The following CROCC2 variants were observed in gnomAD, a reference collection of about 807,000 sequenced individuals.
CROCC2 encodes ciliary rootlet coiled-coil protein 2.
A neutral mutation model predicts 177.6 loss-of-function variants in CROCC2; 163 were observed. The observed-to-expected ratio is 0.92, with a 90% confidence interval of 0.81 to 1.05. The LOEUF (loss-of-function observed/expected upper bound fraction) is 1.05. Among genes scored for constraint, CROCC2 ranks in the 50% least tolerant of loss-of-function variants. The pLI is 0.00. For synonymous variants in CROCC2, 904 were observed against 787.3 expected (o/e 1.15, Z -2.48); for missense variants, 1,929 against 1,797.8 (o/e 1.07, Z -1.32).
At chr2:240,914,288 C>A (rs2059304909) in intron 1 of CROCC2, among the ~76,000 whole-genome samples, 1 of 152,222 alleles carries the variant, frequency 6.6e-6, no homozygotes, top group African/African-American at 2.4e-5. Flanking sequence ...AGGTGCCAAG[C>A]CTCACCCTCC....
chr2:240,933,923 T>C, intron 11 of CROCC2, 71 bp downstream of exon 11: 1 of 1,473,466 alleles, frequency 6.8e-7, no homozygotes, highest in Non-Finnish European at 9.1e-7. Flanking sequence ...CATCAGCCAC[T>C]TGGCCTTGGG....
intron 18 of CROCC2, 116 bp downstream of exon 18, chr2:240,950,626 CCCATCCATCCAT>C: frequency 9.9e-7 from 1 of 1,009,274 alleles, no homozygotes. Context: ...CGCCTACCCA[CCCATCCATCCAT>C]CCATCCATCC....
intron 28 of CROCC2, 112 bp from the exon 29 acceptor site, chr2:240,988,622 GCTCTT>G: frequency 9.0e-7 from 1 of 1,110,534 alleles, no homozygotes; most frequent in Non-Finnish European, 1.2e-6. Context: ...GACGCTGCCA[GCTCTT>G]AGGGGAATTC....
intron 18 of CROCC2, 59 bp from the exon 19 acceptor site, chr2:240,955,800 G>GA (rs1410890260): frequency 9.1e-6 from 11 of 1,208,350 alleles, no homozygotes; most frequent in Non-Finnish European, 1.2e-5. Flanking sequence ...TTAGAGGGGG[G>GA]CCTCTTCCCT....
chr2:240,988,846 C>T lies in CROCC2; in HGVS notation c.4659C>T (p.Ala1553=), dbSNP rs533247113. The T allele has an allele frequency of 1.1e-4, 161 of 1,495,700 alleles. 2 individuals carry two copies. In the South Asian group the frequency reaches 2.0e-3, roughly 19 times the overall value. 92.7% of individuals were successfully genotyped at this position (1,495,700 alleles called of 1,614,324 possible). A position where few individuals can be genotyped will look rare whatever the true frequency, so the allele number is the denominator to read the frequency against. Residue 1553 remains alanine (A), a synonymous_variant, in exon 29 of 32, where the codon GCC becomes GCT. Transcript: ENST00000690015. ...LNSLHQEVDG[A]LRQNQQLQAQ... ...GCCTGCACCAGGAGGTGGACGGAGC[C>T]CTGAGGCAAAATCAGCAGCTGCAGG... is the stretch of plus-strand genomic sequence containing the variant.
At chr2:240,940,858 AAG>A (rs2106465549) in intron 14 of CROCC2, among the ~76,000 whole-genome samples, 1 of 152,296 alleles carries the variant, frequency 6.6e-6, no homozygotes, top group East Asian at 1.9e-4. Context: ...GCAATCAGAC[AAG>A]AGAAAGAAAT....
rs1276502626 is a variant in CROCC2, at chr2:240,906,381, G to A, written c.-133G>A. The A allele has an allele frequency of 4.0e-5, 16 of 397,550 alleles. No homozygotes were observed. Among genetic ancestry groups the A allele is most frequent in the African/African-American group, 1.4e-4 (7 of 48,614 alleles). 24.6% of individuals were successfully genotyped at this position (397,550 alleles called of 1,614,324 possible). On this transcript the variant is annotated 5_prime_UTR_variant, in exon 1 of 32. Transcript: ENST00000690015. ...CAAGAGCAACTGGGTGCCCAGGCTC[G>A]GGACACAAGACTGCAGAGCCAGGTG...
Position 240,964,553 on chromosome 2 carries a change from G to A in CROCC2, c.3393G>A (p.Leu1131=). 1 of 1,549,538 alleles carries A rather than the reference G, an allele frequency of 6.5e-7. No individual in the cohort carries two copies. Among genetic ancestry groups the A allele is most frequent in the Admixed American group, 2.0e-5 (1 of 50,992 alleles). ...QAALQQEASA[L]RAHLWELEQA... ...CGTTGCAGCAGGAGGCCAGTGCACTGCGGGCCCACCTGTGGGAGCTGGAGC... is the reference window on the plus strand; with the variant it reads ...CGTTGCAGCAGGAGGCCAGTGCACTACGGGCCCACCTGTGGGAGCTGGAGC... The change falls in exon 22 of 32, where the codon CTG becomes CTA. Residue 1131 remains leucine (L), a synonymous_variant. Coordinates refer to ENST00000690015, the MANE Select transcript of CROCC2 (RefSeq NM_001351305.2).
In CROCC2 at chr2:240,991,238, C is replaced by A; in HGVS notation, c.4906C>A (p.Arg1636=). Residue 1636 remains arginine, a synonymous_variant, in exon 31 of 32, where the codon CGG becomes AGG. Transcript: ENST00000690015. ...GCAACTGGACCAGGAAGTGCAGTGG[C>A]GGCAACAGGCCCACCTCGGCCAGGC... ...KEQLDQEVQW[R]QQAHLGQAFQ... is the part of the protein sequence containing the mutation. The A allele has an allele frequency of 6.5e-7, 1 of 1,547,292 alleles. No homozygotes were observed. Among genetic ancestry groups the A allele is most frequent in the Non-Finnish European group, 8.7e-7 (1 of 1,145,350 alleles).
At chr2:240,951,189 G>A (rs1045902491) in intron 18 of CROCC2, among the ~76,000 whole-genome samples, 1 of 148,180 alleles carries the variant, frequency 6.7e-6, no homozygotes, top group Non-Finnish European at 1.5e-5. Context: ...CCATCCATCT[G>A]TCCATCCATT....
At chr2:240,948,915 T>C (rs2106469223) in intron 15 of CROCC2, 64 bp from the exon 16 acceptor site, 2 of 1,464,844 alleles carry the variant, frequency 1.4e-6, no homozygotes, top group Non-Finnish European at 1.9e-6. Flanking sequence ...TGTAAAGCTA[T>C]AGAGAGCATT....
intron 28 of CROCC2, among the ~76,000 whole-genome samples, chr2:240,986,272 T>C (rs1180786060): frequency 1.3e-5 from 2 of 152,166 alleles, no homozygotes; most frequent in Non-Finnish European, 2.9e-5. Context: ...CCGCGGAAGC[T>C]GTGCCCACCT....
intron 6 of CROCC2, 125 bp downstream of exon 6, chr2:240,930,394 G>A (rs1351650417): frequency 4.7e-6 from 2 of 426,962 alleles, no homozygotes; most frequent in Admixed American, 4.1e-5. Flanking sequence ...TGGCCTGCCG[G>A]CTTCTCACCC....
At chr2:240,926,997 G>T (rs1027027349) in intron 5 of CROCC2, among the ~76,000 whole-genome samples, 1 of 152,260 alleles carries the variant, frequency 6.6e-6, no homozygotes, top group African/African-American at 2.4e-5. Context: ...AATGCCAGAA[G>T]GAGAGGGTCC....
Position 240,988,849 on chromosome 2 carries a change from GA to G in CROCC2, c.4663del (p.Arg1555GlyfsTer10). On this transcript the variant is annotated frameshift_variant, in exon 29 of 32. Coordinates refer to ENST00000690015, the MANE Select transcript of CROCC2 (RefSeq NM_001351305.2). LOFTEE classifies it high-confidence loss of function. Reference protein sequence around the residue: ...SLHQEVDGALRQNQQLQAQMT... With the variant: ...SLHQEVDGALXQNQQLQAQMT... Reference sequence around the variant, plus strand: ...TGCACCAGGAGGTGGACGGAGCCCTGAGGCAAAATCAGCAGCTGCAGGTCAA... The same window carrying G: ...TGCACCAGGAGGTGGACGGAGCCCTGGGCAAAATCAGCAGCTGCAGGTCAA... 1 of 1,495,996 alleles carries G rather than the reference GA, an allele frequency of 6.7e-7. No individual in the cohort carries two copies. The highest frequency in any genetic ancestry group is 2.2e-5 in the Admixed American group (1 of 46,054). The allele number at this position is 1,495,996 out of a possible 1,614,324, so 92.7% of individuals were successfully genotyped here. A position where few individuals can be genotyped will look rare whatever the true frequency, so the allele number is the denominator to read the frequency against.
chr2:240,946,768 G>A lies in CROCC2; in HGVS notation c.2363+515G>A, dbSNP rs148690340. Among the ~76,000 whole-genome samples, 40 of 152,338 alleles carry A rather than the reference G, an allele frequency of 2.6e-4. No individual in the cohort carries two copies. The East Asian group carries it at 6.6e-3, about 25-fold the overall frequency. On this transcript the variant is annotated intron_variant, in intron 15 of 31. Transcript: ENST00000690015. ...CCTTCTCCCTGCAAGGCCTGAGAGC[G>A]GCTGCCATGGGCCGTCTTGAGCTGT...
rs1473329904 is a variant in CROCC2, at chr2:240,935,409, G to A, written c.1990G>A (p.Glu664Lys). 8 of 1,378,358 alleles carry A rather than the reference G, an allele frequency of 5.8e-6. No homozygotes were observed. The highest frequency in any genetic ancestry group is 5.7e-6 in the Non-Finnish European group (6 of 1,060,712). The allele number at this position is 1,378,358 out of a possible 1,614,324, so 85.4% of individuals were successfully genotyped here. Residue 664 changes from glutamate to lysine, a missense_variant, in exon 14 of 32, where the codon GAA (glutamate) becomes AAA (lysine). Transcript: ENST00000690015. ...GGAACAGCGGAAGACTCTGGAGCAG[G>A]AACGGGCCCGGGCCGGGGAGCAGCT... is the stretch of plus-strand genomic sequence containing the variant. ...LREQRKTLEQERARAGEQLAQ... is the reference protein window; with the variant it reads ...LREQRKTLEQKRARAGEQLAQ...
At chr2:240,954,761 G>T (rs2059579977) in intron 18 of CROCC2, 1 of 152,168 alleles carries the variant, frequency 6.6e-6, no homozygotes, top group Non-Finnish European at 1.5e-5. Context: ...CTAATAACGG[G>T]TCTTTCAGCA....
chr2:240,950,864 CATCT>C, intron 18 of CROCC2: 1 of 240,502 alleles, frequency 4.2e-6, no homozygotes, highest in Non-Finnish European at 8.1e-6. Context: ...TTCACCCATC[CATCT>C]GTCCATTCAT....
Sources: gnomAD v4.1 joint callset for allele counts (sites outside exome capture counted in the v4.1 genomes callset) on GRCh38, gnomAD v4.1.1 for gene constraint, MANE v1.5 for transcripts, NCBI Gene and HGNC (gene_info 2026-07-23, HGNC 2026-07-21) for gene names.